The following PLOD1 variants were observed in gnomAD, a reference collection of about 807,000 sequenced individuals.
PLOD1 encodes the protein procollagen-lysine,2-oxoglutarate 5-dioxygenase 1, also known as lysine hydroxylase.
In PLOD1, 70 loss-of-function variants were observed where a neutral mutation model predicts 94.7. The ratio of observed to expected loss-of-function variants is 0.74; its 90% CI spans 0.61 to 0.90. The LOEUF (loss-of-function observed/expected upper bound fraction) is 0.90. Ranked by LOEUF, PLOD1 falls within the 40% of genes least tolerant of loss-of-function variation. The probability of loss-of-function intolerance (pLI) is 0.00; values close to 1 mark genes in which losing one functional copy is unlikely to be tolerated. For missense variants in PLOD1, 905 were observed against 972.7 expected, an observed-to-expected ratio of 0.93 and a Z score of 0.93; for synonymous variants, 417 against 400.2, an observed-to-expected ratio of 1.04 and a Z score of -0.50.
chr1:11,960,451 G>A (rs1486874313), intron 9 of PLOD1, among the ~76,000 whole-genome samples, 195 bp from the exon 10 acceptor site: 1 of 152,194 alleles, frequency 6.6e-6, no homozygotes, highest in African/African-American at 2.4e-5. Flanking sequence ...AGGAGAATGG[G>A]CAAAGGATGG....
At chr1:11,974,617 G>A (rs369935958) in intron 18 of PLOD1, 36 bp from the exon 19 acceptor site, 22 of 1,597,686 alleles carry the variant, frequency 1.4e-5, no homozygotes, top group Middle Eastern at 1.7e-4. Flanking sequence ...GCAGGGGGGC[G>A]GTGGGGAAAG....
chr1:11,965,499 C>A lies in PLOD1; in HGVS notation c.1490C>A (p.Thr497Asn), dbSNP rs1373542252. The A allele has an allele frequency of 6.2e-7, 1 of 1,612,896 alleles. No homozygotes were observed. The highest frequency in any genetic ancestry group is 2.2e-5 in the East Asian group (1 of 44,880). Residue 497 changes from threonine (T) to asparagine (N), a missense_variant, in exon 14 of 19, where the codon ACC (threonine) becomes AAC (asparagine). Transcript: ENST00000196061. Reference protein sequence around the residue: ...IRQQDVFMFLTNRHTLGHLLS... With the variant: ...IRQQDVFMFLNNRHTLGHLLS... Reference sequence around the variant, plus strand: ...CCCCAGGATGTGTTCATGTTCCTGACCAACCGGCACACCCTTGGCCATCTG... The same window carrying A: ...CCCCAGGATGTGTTCATGTTCCTGAACAACCGGCACACCCTTGGCCATCTG...
At chr1:11,943,657 CAG>C (rs1488606792) in intron 1 of PLOD1, among the ~76,000 whole-genome samples, 1 of 152,104 alleles carries the variant, frequency 6.6e-6, no homozygotes, top group East Asian at 1.9e-4. Context: ...CCCTGGAAAA[CAG>C]GGAATAGACA....
chr1:11,956,409 A>G (rs1223067225), intron 6 of PLOD1, among the ~76,000 whole-genome samples: 2 of 152,082 alleles, frequency 1.3e-5, no homozygotes, highest in Non-Finnish European at 2.9e-5. Flanking sequence ...AAAAACACAC[A>G]CAAAAAACAT....
chr1:11,949,748 C>T (rs767791340), intron 2 of PLOD1, 25 bp from the exon 3 acceptor site: 6 of 1,610,488 alleles, frequency 3.7e-6, no homozygotes, highest in South Asian at 1.1e-5. Flanking sequence ...ACCAAAAGCC[C>T]GTGTTAAGGG....
At chr1:11,968,792 A>T (rs1483508267) in intron 16 of PLOD1, among the ~76,000 whole-genome samples, 1 of 149,864 alleles carries the variant, frequency 6.7e-6, no homozygotes, top group Admixed American at 6.7e-5. Flanking sequence ...GTGGGATTAC[A>T]GGCATGAGCC....
chr1:11,954,679 T>G, intron 5 of PLOD1, 151 bp from the exon 6 acceptor site: 1 of 780,396 alleles, frequency 1.3e-6, no homozygotes, highest in Non-Finnish European at 2.4e-6. Context: ...TGGCCTTCTC[T>G]GGGCACCTAG....
In PLOD1 at chr1:11,968,243, C is replaced by T. The variant is rs117372488; in HGVS notation, c.1755+1152C>T. The stretch of plus-strand genomic sequence containing the variant: ...TGCTGGGATTACAGGCGTGAGCCAC[C>T]GTGTCTGGCCTAAGGCACCTTTTTA... On this transcript the variant is annotated intron_variant, in intron 16 of 18. Coordinates refer to ENST00000196061, the MANE Select transcript of PLOD1 (RefSeq NM_000302.4). Among the ~76,000 whole-genome samples, 669 of 152,114 alleles carry T rather than the reference C, an allele frequency of 4.4e-3. 8 individuals carry two copies. The highest frequency in any genetic ancestry group is 0.041 in the East Asian group (213 of 5,172).
chr1:11,944,724 G>A (rs139641017), intron 1 of PLOD1: 212 of 1,192,738 alleles, frequency 1.8e-4, no homozygotes, highest in South Asian at 4.7e-4. Flanking sequence ...CCCCAGCACC[G>A]CAGCTAATCC....
chr1:11,951,694 C>T (rs965836016), intron 4 of PLOD1, among the ~76,000 whole-genome samples: 20 of 148,838 alleles, frequency 1.3e-4, no homozygotes, highest in African/African-American at 4.4e-4. Flanking sequence ...CCGAGGTGGG[C>T]GGATCACGAG....
At chr1:11,936,570 T>C (rs765477694) in intron 1 of PLOD1, among the ~76,000 whole-genome samples, 2 of 152,108 alleles carry the variant, frequency 1.3e-5, no homozygotes, top group African/African-American at 2.4e-5. Context: ...TCCCCCAGGC[T>C]GGAGTGCAGT....
chr1:11,958,781 T>G lies in PLOD1; in HGVS notation c.975+134T>G. The stretch of plus-strand genomic sequence containing the variant: ...CCAAATGACAATCACCAGTGGACTG[T>G]GTCCCCAAATCACTGAGTTAACTTT... On this transcript the variant is annotated intron_variant, in intron 9 of 18. Transcript: ENST00000196061. This position sits in a 1 kb window ranked among gnomAD's most constrained non-coding sequence, Gnocchi z 4.3. The G allele has an allele frequency of 9.8e-7, 1 of 1,021,066 alleles. No homozygotes were observed. Among genetic ancestry groups the G allele is most frequent in the Non-Finnish European group, 1.5e-6 (1 of 673,546 alleles). 63.3% of individuals were successfully genotyped at this position (1,021,066 alleles called of 1,614,324 possible).
In PLOD1 at chr1:11,972,440, A is replaced by G. The variant is rs971178008; in HGVS notation, c.1903-432A>G. ...CTAATTTTTTGTAATTTCAGTAGAG[A>G]TGGGGTTTCACCATGTTGGCCAGGC... On this transcript the variant is annotated intron_variant, in intron 17 of 18. Transcript: ENST00000196061. This position sits in a 1 kb window ranked among gnomAD's most constrained non-coding sequence, Gnocchi z 4.6. 1.5e-4 allele frequency: 29 copies of G among 187,560 alleles called. No homozygotes were observed. The highest frequency in any genetic ancestry group is 6.8e-4 in the African/African-American group (29 of 42,916). 11.6% of individuals were successfully genotyped at this position (187,560 alleles called of 1,614,324 possible). A position where few individuals can be genotyped will look rare whatever the true frequency, so the allele number is the denominator to read the frequency against.
At chr1:11,959,570 G>A (rs1201126248) in intron 9 of PLOD1, among the ~76,000 whole-genome samples, 1 of 149,108 alleles carries the variant, frequency 6.7e-6, no homozygotes, top group East Asian at 2.0e-4. Context: ...AGCCTCCCAA[G>A]TAACTGAGAC....
intron 2 of PLOD1, 61 bp from the exon 3 acceptor site, chr1:11,949,712 G>A: frequency 1.9e-6 from 3 of 1,584,766 alleles, no homozygotes; most frequent in South Asian, 1.1e-5. Context: ...GAGCCACCAC[G>A]GCCAGCCCTG....
Position 11,975,228 on chromosome 1 carries a change from A to G in PLOD1, c.*420A>G. 1.0e-5 allele frequency: 3 copies of G among 286,654 alleles called. No homozygotes were observed. Among genetic ancestry groups the G allele is most frequent in the Non-Finnish European group, 2.1e-5 (3 of 145,984 alleles). The allele number at this position is 286,654 out of a possible 1,614,324, so 17.8% of individuals were successfully genotyped here. On this transcript the variant is annotated 3_prime_UTR_variant, in exon 19 of 19. Coordinates refer to ENST00000196061, the MANE Select transcript of PLOD1 (RefSeq NM_000302.4). ...AGCTTCTCCCAGGCACAGGTGTTGC[A>G]CCAGGGACTTCTGCTTCAAGTTTTG...
At chr1:11,938,430 C>T (rs1645594400) in intron 1 of PLOD1, among the ~76,000 whole-genome samples, 1 of 152,092 alleles carries the variant, frequency 6.6e-6, no homozygotes, top group African/African-American at 2.4e-5. Flanking sequence ...GTGCTGTTGC[C>T]TGGAAATGCT....
chr1:11,964,056 G>T, intron 11 of PLOD1, 119 bp from the exon 12 acceptor site: 1 of 1,044,094 alleles, frequency 9.6e-7, no homozygotes, highest in Non-Finnish European at 1.5e-6. Flanking sequence ...GTCTCAGTGA[G>T]GTGCTTGGGG....
chr1:11,950,584 AC>A, intron 4 of PLOD1, 64 bp downstream of exon 4: 9 of 1,508,138 alleles, frequency 6.0e-6, no homozygotes, highest in Non-Finnish European at 6.4e-6. Context: ...CTTTGTGGGG[AC>A]CCCCCTTGTT....
Sources: gnomAD v4.1 joint callset for allele counts (sites outside exome capture counted in the v4.1 genomes callset) on GRCh38, gnomAD v4.1.1 for gene constraint, Gnocchi (gnomAD v3.1) non-coding constraint, MANE v1.5 for transcripts, NCBI Gene and HGNC (gene_info 2026-07-23, HGNC 2026-07-21) for gene names.